OSBPL2: variants seen among roughly 807,000 people sequenced by gnomAD.
OSBPL2 encodes oxysterol-binding protein-related protein 2.
Under a neutral mutation model 58.4 loss-of-function variants are expected in OSBPL2, and 18 were observed. The observed-to-expected ratio is 0.31, with a 90% CI of 0.21 to 0.46. The LOEUF is 0.46. Ranked by LOEUF, OSBPL2 falls within the 20% of genes least tolerant of loss-of-function variation. The pLI is 1.00. For synonymous variants in OSBPL2, 221 were observed against 234.1 expected, an observed-to-expected ratio of 0.94 and a Z score of 0.51; for missense variants, 461 against 616.5, an observed-to-expected ratio of 0.75 and a Z score of 2.67.
rs1470968199 is a variant in OSBPL2 at position 62,268,818 on chromosome 20, G to A, written c.259-3307G>A. On this transcript the variant is annotated intron_variant, in intron 4 of 13. Coordinates refer to ENST00000313733, the MANE Select transcript of OSBPL2 (RefSeq NM_144498.4). ...CACGCCTGTAATCCCAGCACTTTAG[G>A]AGTCTGAGGCAGGCGGATCACGAAG... 2.0e-5 allele frequency among the ~76,000 whole-genome samples: 3 copies of A among 152,158 alleles called. No homozygotes were observed. The East Asian group carries it at 5.8e-4, about 29-fold the overall frequency.
At chr20:62,255,948 C>T in intron 1 of OSBPL2, 109 bp from the exon 2 acceptor site, 1 of 460,872 alleles carries the variant, frequency 2.2e-6, no homozygotes, top group East Asian at 4.0e-5. Context: ...TACTAATTTG[C>T]TTACATGGAA....
At chr20:62,238,814 CTT>C in intron 1 of OSBPL2, 1 of 151,900 alleles carries the variant, frequency 6.6e-6, no homozygotes, top group Non-Finnish European at 1.5e-5. Context: ...CCCGGGGAAA[CTT>C]TGGGAGGAAA....
At chr20:62,250,104 G>A (rs1201849743) in intron 1 of OSBPL2, among the ~76,000 whole-genome samples, 1 of 152,362 alleles carries the variant, frequency 6.6e-6, no homozygotes, top group Admixed American at 6.5e-5. Flanking sequence ...CTTCGTGACC[G>A]GCTTCATGAG....
intron 10 of OSBPL2, 78 bp from the exon 11 acceptor site, chr20:62,286,505 G>A: frequency 6.6e-7 from 1 of 1,514,310 alleles, no homozygotes; most frequent in Non-Finnish European, 9.0e-7. Flanking sequence ...GGTCTGAAAG[G>A]CGCTCTGAGA....
intron 5 of OSBPL2, among the ~76,000 whole-genome samples, chr20:62,272,719 C>T (rs1391962512): frequency 6.6e-6 from 1 of 152,188 alleles, no homozygotes; most frequent in Non-Finnish European, 1.5e-5. Context: ...CACAGTGAGA[C>T]CGCATCTCTA....
intron 6 of OSBPL2, among the ~76,000 whole-genome samples, chr20:62,274,282 A>G (rs1011627635): frequency 1.3e-5 from 2 of 152,194 alleles, no homozygotes; most frequent in African/African-American, 4.8e-5. Flanking sequence ...AGCAGGCCAG[A>G]CCATGGCATG....
intron 1 of OSBPL2, among the ~76,000 whole-genome samples, chr20:62,246,228 C>T (rs1026068422): frequency 3.3e-5 from 5 of 152,244 alleles, no homozygotes; most frequent in South Asian, 2.1e-4. Flanking sequence ...GGCCCCGGGA[C>T]GCTGTGTCCA....
intron 4 of OSBPL2, 90 bp downstream of exon 4, chr20:62,263,781 CTT>C: frequency 1.7e-6 from 2 of 1,200,222 alleles, no homozygotes; most frequent in South Asian, 1.2e-5. Context: ...AAAATGCGCT[CTT>C]GGCCGGGCGC....
chr20:62,248,004 A>C (rs1980250954), intron 1 of OSBPL2, among the ~76,000 whole-genome samples: 1 of 152,070 alleles, frequency 6.6e-6, no homozygotes, highest in South Asian at 2.1e-4. Context: ...CGTTGTTAAT[A>C]GTGGGAACGT....
At chr20:62,261,424 A>C (rs1388906852) in intron 3 of OSBPL2, among the ~76,000 whole-genome samples, 2 of 151,848 alleles carry the variant, frequency 1.3e-5, no homozygotes, top group African/African-American at 4.8e-5. Context: ...CACAGCCGCT[A>C]ATGTGTGTCT....
rs556939925 is a variant in OSBPL2 at position 62,256,344 on chromosome 20, C to T, written c.37+123C>T. 20 of 778,016 alleles carry T rather than the reference C, an allele frequency of 2.6e-5. 1 individual carries two copies. The highest frequency in any genetic ancestry group is 1.4e-4 in the South Asian group (8 of 55,868). The allele number at this position is 778,016 out of a possible 1,614,324, so 48.2% of individuals were successfully genotyped here. On this transcript the variant is annotated intron_variant, in intron 2 of 13. Coordinates refer to ENST00000313733, the MANE Select transcript of OSBPL2 (RefSeq NM_144498.4). ...AAAGCAGTGTGTGGGTGAGCGTTCA[C>T]GATCCCAAACACGGACTGTTCAGCA...
intron 6 of OSBPL2, among the ~76,000 whole-genome samples, chr20:62,276,730 G>C (rs1008763381): frequency 6.6e-6 from 1 of 152,204 alleles, no homozygotes; most frequent in Non-Finnish European, 1.5e-5. Context: ...TTCTGGGAAA[G>C]GGGAGGCTGA....
chr20:62,257,763 G>A (rs1293828140), intron 2 of OSBPL2, among the ~76,000 whole-genome samples: 1 of 149,592 alleles, frequency 6.7e-6, no homozygotes, highest in Non-Finnish European at 1.5e-5. Flanking sequence ...CGCCCAGGCT[G>A]GAGTGCAGTG....
At chr20:62,254,535 G>A (rs1299207271) in intron 1 of OSBPL2, among the ~76,000 whole-genome samples, 1 of 152,250 alleles carries the variant, frequency 6.6e-6, no homozygotes, top group African/African-American at 2.4e-5. Flanking sequence ...GGAGACACTG[G>A]AGAGTCTCTC....
chr20:62,245,634 T>G (rs1980053834), intron 1 of OSBPL2, among the ~76,000 whole-genome samples: 1 of 152,148 alleles, frequency 6.6e-6, no homozygotes, highest in African/African-American at 2.4e-5. Context: ...CAAGAACCAG[T>G]GTTCAATAAA....
intron 8 of OSBPL2, 161 bp downstream of exon 8, chr20:62,281,326 C>T: frequency 1.7e-6 from 1 of 597,706 alleles, no homozygotes; most frequent in Non-Finnish European, 3.0e-6. Context: ...AGACTTGACT[C>T]TGACCGGTGT....
In OSBPL2 at chr20:62,286,662, G is replaced by C. The variant is rs369775494; in HGVS notation, c.1076G>C (p.Gly359Ala). The C allele has an allele frequency of 6.2e-7, 1 of 1,613,704 alleles. No individual in the cohort carries two copies. The highest frequency in any genetic ancestry group is 8.5e-7 in the Non-Finnish European group (1 of 1,179,900). ...VAQETVQVIP[G>A]SKLLWRINTR... ...CAGGAGACCGTGCAGGTCATTCCTGGCAGCAAGCTGCTCTGGAGGATCAAC... is the reference window on the plus strand; with the variant it reads ...CAGGAGACCGTGCAGGTCATTCCTGCCAGCAAGCTGCTCTGGAGGATCAAC... The change falls in exon 11 of 14, where the codon GGC becomes GCC. Residue 359 changes from glycine to alanine, a missense_variant. This residue lies in a region of OSBPL2 where 319 missense variants were observed against 419.2 expected (regional missense o/e 0.76). Coordinates refer to ENST00000313733, the MANE Select transcript of OSBPL2 (RefSeq NM_144498.4).
chr20:62,243,347 C>T (rs539774193), intron 1 of OSBPL2, among the ~76,000 whole-genome samples: 4 of 152,312 alleles, frequency 2.6e-5, no homozygotes, highest in African/African-American at 4.8e-5. Flanking sequence ...AACACCTGAG[C>T]GGAAGCAGAG....
In OSBPL2 at chr20:62,269,908, C is replaced by T. The variant is rs1051665037; in HGVS notation, c.259-2217C>T. Among the ~76,000 whole-genome samples the T allele has an allele frequency of 2.0e-5, 3 of 152,234 alleles. No individual in the cohort carries two copies. Among genetic ancestry groups the T allele is most frequent in the Non-Finnish European group, 4.4e-5 (3 of 68,040 alleles). On this transcript the variant is annotated intron_variant, in intron 4 of 13. Coordinates refer to ENST00000313733, the MANE Select transcript of OSBPL2 (RefSeq NM_144498.4). The surrounding 1 kb of genome is among the most constrained non-coding windows in gnomAD (Gnocchi z 4.2). ...TTCTAGCCCCTCCTAAGCCCACAGTCCCCGTGTGTCCAGTGCCATCTGGGG... is the reference window on the plus strand; with the variant it reads ...TTCTAGCCCCTCCTAAGCCCACAGTTCCCGTGTGTCCAGTGCCATCTGGGG...
Sources: gnomAD v4.1 joint callset for allele counts (sites outside exome capture counted in the v4.1 genomes callset) on GRCh38, gnomAD v4.1.1 for gene constraint, gnomAD v4.1.1 regional missense constraint, Gnocchi (gnomAD v3.1) non-coding constraint, MANE v1.5 for transcripts, NCBI Gene and HGNC (gene_info 2026-07-23, HGNC 2026-07-21) for gene names.